The following SHROOM3 variants were observed in gnomAD, a reference collection of about 807,000 sequenced individuals.
SHROOM3 encodes the protein protein Shroom3.
In SHROOM3, 47 loss-of-function variants were observed where a neutral mutation model predicts 138.6. The observed-to-expected ratio is 0.34, with a 90% CI of 0.27 to 0.43. The LOEUF (loss-of-function observed/expected upper bound fraction) is 0.43. Ranked by LOEUF, SHROOM3 falls within the 20% of genes least tolerant of loss-of-function variation. The probability of loss-of-function intolerance (pLI) is 1.00; values close to 1 mark genes in which losing one functional copy is unlikely to be tolerated. For missense variants in SHROOM3, 2,491 were observed against 2,596.5 expected, an observed-to-expected ratio of 0.96 and a Z score of 0.88; for synonymous variants, 1,062 against 1,063.3, an observed-to-expected ratio of 1.00 and a Z score of 0.02.
chr4:76,691,467 G>C (rs1287332241), intron 2 of SHROOM3, among the ~76,000 whole-genome samples: 1 of 152,136 alleles, frequency 6.6e-6, no homozygotes, highest in African/African-American at 2.4e-5. Flanking sequence ...GTGGAGCCCT[G>C]TTTTGATTTA....
chr4:76,689,088 G>A (rs1027463312), intron 2 of SHROOM3: 1 of 348,504 alleles, frequency 2.9e-6, no homozygotes, highest in African/African-American at 2.2e-5. Flanking sequence ...TTTGCTTTTG[G>A]ATTCCTCTGC....
intron 9 of SHROOM3, 82 bp downstream of exon 9, chr4:76,759,777 C>T: frequency 6.6e-7 from 1 of 1,521,012 alleles, no homozygotes; most frequent in Non-Finnish European, 9.0e-7. Flanking sequence ...GTGACTGGGC[C>T]TCTTGAGGCA....
At chr4:76,642,817 A>G (rs1735708778) in intron 2 of SHROOM3, among the ~76,000 whole-genome samples, 2 of 151,936 alleles carry the variant, frequency 1.3e-5, no homozygotes, top group African/African-American at 4.8e-5. Flanking sequence ...GGAGGAGGGT[A>G]GTGGGAATAA....
intron 2 of SHROOM3, among the ~76,000 whole-genome samples, chr4:76,596,342 G>T (rs967591659): frequency 1.3e-5 from 2 of 152,136 alleles, no homozygotes; most frequent in Non-Finnish European, 2.9e-5. Context: ...AGCCTGGGAG[G>T]TAGAGGCTAC....
intron 1 of SHROOM3, among the ~76,000 whole-genome samples, chr4:76,468,571 T>C (rs868713781): frequency 3.6e-4 from 55 of 151,236 alleles, no homozygotes; most frequent in African/African-American, 1.3e-3. Context: ...ATAATTATTA[T>C]GATAATTAAA....
intron 1 of SHROOM3, among the ~76,000 whole-genome samples, chr4:76,474,310 A>T (rs1174684965): frequency 6.6e-6 from 1 of 152,182 alleles, no homozygotes; most frequent in African/African-American, 2.4e-5. Flanking sequence ...TGACTACTAG[A>T]GGGTACAGGA....
intron 2 of SHROOM3, among the ~76,000 whole-genome samples, chr4:76,609,988 G>A (rs1302614589): frequency 6.6e-6 from 1 of 152,184 alleles, no homozygotes; most frequent in African/African-American, 2.4e-5. Flanking sequence ...GACAAGGAGA[G>A]AATGACTTTG....
At chr4:76,561,425 G>A (rs1211696308) in intron 2 of SHROOM3, among the ~76,000 whole-genome samples, 1 of 152,084 alleles carries the variant, frequency 6.6e-6, no homozygotes, top group Non-Finnish European at 1.5e-5. Context: ...ATGTAGAGGT[G>A]GCTAGCGTGA....
At chr4:76,460,334 G>A (rs1057487903) in intron 1 of SHROOM3, among the ~76,000 whole-genome samples, 1 of 152,176 alleles carries the variant, frequency 6.6e-6, no homozygotes, top group Non-Finnish European at 1.5e-5. Flanking sequence ...AGCACAAGCT[G>A]TAGAGCCAGA....
At chr4:76,766,999 C>T (rs13129187) in intron 9 of SHROOM3, among the ~76,000 whole-genome samples, 10,091 of 152,240 alleles carry the variant, frequency 0.066, 369 homozygotes, top group African/African-American at 0.081. Context: ...TTCTTTCTTG[C>T]ACCGTGAAGC....
chr4:76,491,217 A>C lies in SHROOM3; in HGVS notation c.168+54997A>C, dbSNP rs929806628. On this transcript the variant is annotated intron_variant, in intron 1 of 10. Coordinates refer to ENST00000296043, the MANE Select transcript of SHROOM3 (RefSeq NM_020859.4). ...CTGACCAGATGTGGGAATTAGGGAA[A>C]GGAGGGAGTCAAAGATGAATCCAAG... Among the ~76,000 whole-genome samples the C allele has an allele frequency of 5.3e-5, 8 of 152,340 alleles. No homozygotes were observed. The East Asian group carries it at 1.5e-3, about 29-fold the overall frequency.
intron 2 of SHROOM3, among the ~76,000 whole-genome samples, chr4:76,593,248 A>G (rs1454628379): frequency 1.3e-5 from 2 of 152,202 alleles, no homozygotes; most frequent in Non-Finnish European, 2.9e-5. Context: ...GCTTCAGGAG[A>G]GGCTGATTAA....
At chr4:76,494,561 A>G (rs1408118420) in intron 1 of SHROOM3, among the ~76,000 whole-genome samples, 1 of 152,242 alleles carries the variant, frequency 6.6e-6, no homozygotes, top group Non-Finnish European at 1.5e-5. Context: ...TATTAAAAGT[A>G]GCAAGAGAAT....
intron 1 of SHROOM3, among the ~76,000 whole-genome samples, chr4:76,545,524 T>A (rs897935761): frequency 2.0e-5 from 3 of 152,238 alleles, no homozygotes; most frequent in Non-Finnish European, 4.4e-5. Context: ...TAAATCAAGT[T>A]AACTCTGGTT....
At chr4:76,735,929 CGAT>C (rs1243954229) in intron 4 of SHROOM3, among the ~76,000 whole-genome samples, 8 of 134,054 alleles carry the variant, frequency 6.0e-5, no homozygotes, top group Non-Finnish European at 1.2e-4. Flanking sequence ...CTTCCCCACT[CGAT>C]AGTGTTTCAG....
chr4:76,690,908 A>G (rs962216344), intron 2 of SHROOM3, among the ~76,000 whole-genome samples: 1 of 152,166 alleles, frequency 6.6e-6, no homozygotes, highest in Non-Finnish European at 1.5e-5. Flanking sequence ...AGGAATTGAC[A>G]AGGAAATAAA....
intron 1 of SHROOM3, among the ~76,000 whole-genome samples, chr4:76,547,106 G>A (rs529790491): frequency 6.6e-6 from 1 of 152,266 alleles, no homozygotes; most frequent in South Asian, 2.1e-4. Flanking sequence ...CACTATAATA[G>A]GTTCAGAGAT....
At chr4:76,670,780 C>T (rs1435419869) in intron 2 of SHROOM3, among the ~76,000 whole-genome samples, 2 of 151,962 alleles carry the variant, frequency 1.3e-5, no homozygotes, top group Admixed American at 1.3e-4. Context: ...TGGCAAAACC[C>T]TCTCTCTACT....
intron 9 of SHROOM3, among the ~76,000 whole-genome samples, chr4:76,760,058 GGTGT>G (rs2110147932): frequency 6.6e-6 from 1 of 152,242 alleles, no homozygotes; most frequent in Admixed American, 6.5e-5. Flanking sequence ...CAGTGCCAAC[GGTGT>G]GTGTAATTTT....
Sources: allele counts gnomAD v4.1 joint callset (sites outside exome capture counted in the v4.1 genomes callset), GRCh38; gene constraint gnomAD v4.1.1; transcripts MANE v1.5; gene names NCBI Gene and HGNC (gene_info 2026-07-23, HGNC 2026-07-21).